Variants in HHIP observed in about 807,000 individuals in gnomAD.
HHIP encodes the protein hedgehog-interacting protein.
Under a neutral mutation model 74.0 loss-of-function variants are expected in HHIP, and 12 were observed. The ratio of observed to expected loss-of-function variants is 0.16; its 90% CI spans 0.10 to 0.26. The LOEUF (loss-of-function observed/expected upper bound fraction) is 0.26, where lower values mean the gene tolerates loss of function less well. Among genes scored for constraint, HHIP ranks in the 10% least tolerant of loss-of-function variants. HHIP has a pLI of 1.00. For synonymous variants in HHIP, 309 were observed against 311.6 expected (o/e 0.99, Z 0.09); for missense variants, 788 against 845.0 (o/e 0.93, Z 0.84).
chr4:144,727,642 T>C (rs533028349), intron 11 of HHIP, among the ~76,000 whole-genome samples: 3 of 152,338 alleles, frequency 2.0e-5, no homozygotes, highest in Admixed American at 6.5e-5. Context: ...ATGACATTAT[T>C]ATTTAGTTTC....
chr4:144,647,444 G>C (rs991404026), intron 1 of HHIP, among the ~76,000 whole-genome samples: 4 of 152,218 alleles, frequency 2.6e-5, no homozygotes, highest in African/African-American at 9.6e-5. Context: ...CCCCGTCAGA[G>C]GGGGGTGTCT....
chr4:144,691,358 C>G (rs1729658264), intron 4 of HHIP, among the ~76,000 whole-genome samples: 1 of 152,126 alleles, frequency 6.6e-6, no homozygotes, highest in South Asian at 2.1e-4. Context: ...CTGATTCCTG[C>G]TGTCTAGGCT....
In HHIP at chr4:144,741,882, T is replaced by C. The variant is rs1182049828; in HGVS notation, c.*3925T>C. 2 of 152,136 alleles carry C rather than the reference T, an allele frequency of 1.3e-5. No homozygotes were observed. Among genetic ancestry groups the C allele is most frequent in the Non-Finnish European group, 2.9e-5 (2 of 68,018 alleles). 9.4% of individuals were successfully genotyped at this position (152,136 alleles called of 1,614,324 possible). A position where few individuals can be genotyped will look rare whatever the true frequency, so the allele number is the denominator to read the frequency against. On this transcript the variant is annotated 3_prime_UTR_variant, in exon 13 of 13. Transcript: ENST00000296575. Reference sequence around the variant, plus strand: ...AAATTTTTAGAGGAAGGCTAAGGTATACTATTGGCAGTTGTAGTTTTAATT... The same window carrying C: ...AAATTTTTAGAGGAAGGCTAAGGTACACTATTGGCAGTTGTAGTTTTAATT...
chr4:144,734,708 G>T, intron 11 of HHIP, 33 bp from the exon 12 acceptor site: 1 of 1,487,510 alleles, frequency 6.7e-7, no homozygotes. Flanking sequence ...TTTTCAAATG[G>T]AATACACTTT....
chr4:144,724,056 A>T (rs1049354882), intron 11 of HHIP, among the ~76,000 whole-genome samples: 10 of 152,218 alleles, frequency 6.6e-5, no homozygotes, highest in African/African-American at 2.4e-4. Context: ...TTTTAGAGAT[A>T]TACCACAAAA....
intron 1 of HHIP, among the ~76,000 whole-genome samples, chr4:144,651,442 C>G (rs1009389375): frequency 2.0e-5 from 3 of 151,754 alleles, no homozygotes; most frequent in Non-Finnish European, 4.4e-5. Flanking sequence ...TATCATTATC[C>G]CAAAAAACAG....
At chr4:144,724,668 G>GTATATATATATGTATGTATGCA in intron 11 of HHIP, among the ~76,000 whole-genome samples, 1 of 106,928 alleles carries the variant, frequency 9.4e-6, no homozygotes, top group East Asian at 2.9e-4. Context: ...GTGTGTGTGT[G>GTATATATATATGTATGTATGCA]TATATATATA....
At chr4:144,716,854 G>GAAAAAAAA (rs869028218) in intron 10 of HHIP, among the ~76,000 whole-genome samples, 679 of 54,722 alleles carry the variant, frequency 0.012, 47 homozygotes, top group Non-Finnish European at 0.016. Context: ...CGTCTCAAAA[G>GAAAAAAAA]AAAAAAAAAA....
At chr4:144,725,787 G>T (rs1275205401) in intron 11 of HHIP, among the ~76,000 whole-genome samples, 1 of 152,036 alleles carries the variant, frequency 6.6e-6, no homozygotes, top group East Asian at 1.9e-4. Flanking sequence ...TCCTGCCTCA[G>T]CCTCCCAAGT....
chr4:144,702,325 G>A (rs1466346975), intron 4 of HHIP, among the ~76,000 whole-genome samples: 2 of 152,108 alleles, frequency 1.3e-5, no homozygotes, highest in Non-Finnish European at 2.9e-5. Context: ...GTCTGATCTT[G>A]TATTTACATT....
At chr4:144,675,119 T>C (rs1729137840) in intron 4 of HHIP, among the ~76,000 whole-genome samples, 1 of 152,222 alleles carries the variant, frequency 6.6e-6, no homozygotes, top group South Asian at 2.1e-4. Flanking sequence ...TTCTATACTT[T>C]AATTTTAAAT....
At chr4:144,696,828 A>G (rs1729833020) in intron 4 of HHIP, among the ~76,000 whole-genome samples, 1 of 151,938 alleles carries the variant, frequency 6.6e-6, no homozygotes, top group Admixed American at 6.6e-5. Context: ...AGAACTCAGT[A>G]CATCCTATTT....
At chr4:144,674,708 C>T (rs996177869) in intron 4 of HHIP, among the ~76,000 whole-genome samples, 3 of 152,084 alleles carry the variant, frequency 2.0e-5, no homozygotes, top group Non-Finnish European at 2.9e-5. Context: ...CTGAAACCAC[C>T]ACACACAAAG....
chr4:144,684,111 G>A (rs1315551605), intron 4 of HHIP, among the ~76,000 whole-genome samples: 6 of 149,726 alleles, frequency 4.0e-5, no homozygotes, highest in Non-Finnish European at 7.4e-5. Context: ...AGTGACTCAC[G>A]CCTGTAATCT....
chr4:144,646,917 G>A lies in HHIP; in HGVS notation c.242G>A (p.Arg81Gln). 4 of 1,613,444 alleles carry A rather than the reference G, an allele frequency of 2.5e-6. No individual in the cohort carries two copies. The highest frequency in any genetic ancestry group is 2.2e-5 in the South Asian group (2 of 91,034). Residue 81 changes from arginine (R) to glutamine (Q), a missense_variant, in exon 1 of 13, where the codon CGG (arginine) becomes CAG (glutamine). Physicochemically the swap from Arg to Gln is conservative, Grantham distance 43. Coordinates refer to ENST00000296575, the MANE Select transcript of HHIP (RefSeq NM_022475.3). Reference protein sequence around the residue: ...GFYPRLSCCLRSDSPGLGRLE... With the variant: ...GFYPRLSCCLQSDSPGLGRLE... ...TACCCTCGGCTGTCCTGCTGCCTGC[G>A]GAGTGACAGCCCGGGGCTAGGGCGC...
intron 4 of HHIP, among the ~76,000 whole-genome samples, chr4:144,678,854 A>G (rs1729249420): frequency 6.6e-6 from 1 of 152,162 alleles, no homozygotes; most frequent in South Asian, 2.1e-4. Context: ...ATACGTGTGC[A>G]TGTGTCTTTA....
At chr4:144,725,081 G>C (rs1730758479) in intron 11 of HHIP, among the ~76,000 whole-genome samples, 1 of 152,026 alleles carries the variant, frequency 6.6e-6, no homozygotes, top group African/African-American at 2.4e-5. Flanking sequence ...TCTGATATTA[G>C]TCCTTTTGAA....
chr4:144,722,184 TG>T (rs1261910201), intron 11 of HHIP, among the ~76,000 whole-genome samples: 6 of 152,138 alleles, frequency 3.9e-5, no homozygotes, highest in African/African-American at 1.2e-4. Context: ...GACAAAATCT[TG>T]GCAATAACTT....
intron 4 of HHIP, among the ~76,000 whole-genome samples, chr4:144,680,482 T>C (rs1340482202): frequency 1.3e-5 from 2 of 152,322 alleles, no homozygotes; most frequent in African/African-American, 4.8e-5. Flanking sequence ...AGCTACTTTC[T>C]GTTTGATCAA....
Sources: gnomAD v4.1 joint callset for allele counts (sites outside exome capture counted in the v4.1 genomes callset) on GRCh38, gnomAD v4.1.1 for gene constraint, MANE v1.5 for transcripts, NCBI Gene and HGNC (gene_info 2026-07-23, HGNC 2026-07-21) for gene names.